SFMBT2: variants seen among roughly 807,000 people sequenced by gnomAD.
The protein encoded by SFMBT2 is Scm like with four mbt domains 2, also known as scm-like with four MBT domains protein 2.
In SFMBT2, 38 loss-of-function variants were observed where a neutral mutation model predicts 110.1. The observed-to-expected ratio is 0.35, with a 90% CI of 0.27 to 0.45. The LOEUF (loss-of-function observed/expected upper bound fraction) is 0.45, where lower values mean the gene tolerates loss of function less well. Ranked by LOEUF, SFMBT2 falls within the 20% of genes least tolerant of loss-of-function variation. The pLI is 1.00. For missense variants in SFMBT2, 1,011 were observed against 1,094.9 expected, an observed-to-expected ratio of 0.92 and a Z score of 1.08; for synonymous variants, 425 against 425.4, an observed-to-expected ratio of 1.00 and a Z score of 0.01.
chr10:7,364,126 C>G (rs1382460975), intron 4 of SFMBT2, among the ~76,000 whole-genome samples: 1 of 152,194 alleles, frequency 6.6e-6, no homozygotes, highest in African/African-American at 2.4e-5. Context: ...TTATTCTGTC[C>G]TACAGCGATC....
chr10:7,396,907 G>A (rs1212445921), intron 1 of SFMBT2, among the ~76,000 whole-genome samples: 4 of 124,318 alleles, frequency 3.2e-5, no homozygotes, highest in Admixed American at 2.5e-4. Flanking sequence ...TGGGGTGGGG[G>A]GATGGGGGGA....
Position 7,229,448 on chromosome 10 carries a change from G to A in SFMBT2, c.1121-1511C>T, listed in dbSNP as rs200237949. Among the ~76,000 whole-genome samples the A allele has an allele frequency of 7.9e-5, 12 of 151,826 alleles. No homozygotes were observed. The East Asian group carries it at 2.4e-3, about 30-fold the overall frequency. Reference sequence around the variant, plus strand: ...ACAAAAATTAGCCAGGTGTGGTGGTGGGTGCTTGTAATCCCAGCTACTCGG... The same window carrying A: ...ACAAAAATTAGCCAGGTGTGGTGGTAGGTGCTTGTAATCCCAGCTACTCGG... On this transcript the variant is annotated intron_variant, in intron 9 of 20. Coordinates refer to ENST00000397167, the MANE Select transcript of SFMBT2 (RefSeq NM_001387889.1).
intron 16 of SFMBT2, among the ~76,000 whole-genome samples, chr10:7,185,591 G>A (rs1838376778): frequency 1.3e-5 from 2 of 152,194 alleles, no homozygotes; most frequent in African/African-American, 4.8e-5. Flanking sequence ...CCTCTGATAA[G>A]TGACAGTGAG....
intron 1 of SFMBT2, among the ~76,000 whole-genome samples, chr10:7,410,525 C>A (rs192187539): frequency 8.5e-4 from 130 of 152,288 alleles, no homozygotes; most frequent in African/African-American, 2.9e-3. Flanking sequence ...CGGACGGACT[C>A]CCGCACGGCT....
At chr10:7,288,266 C>T (rs75036305) in intron 4 of SFMBT2, among the ~76,000 whole-genome samples, 13 of 152,262 alleles carry the variant, frequency 8.5e-5, no homozygotes, top group Non-Finnish European at 1.3e-4. Context: ...CCAACATGCA[C>T]GGAACTCAGG....
At chr10:7,299,187 A>G (rs1478574740) in intron 4 of SFMBT2, among the ~76,000 whole-genome samples, 1 of 152,234 alleles carries the variant, frequency 6.6e-6, no homozygotes, top group Non-Finnish European at 1.5e-5. Flanking sequence ...CAAGGACTTC[A>G]TGACAAAAAA....
At chr10:7,204,949 T>C in intron 12 of SFMBT2, 1 of 985,048 alleles carries the variant, frequency 1.0e-6, no homozygotes, top group African/African-American at 1.7e-5. Flanking sequence ...TGAATGGGCG[T>C]TTACTGCTGG....
At chr10:7,186,423 TATACACACACACACACACAC>T (rs1039749463) in intron 16 of SFMBT2, among the ~76,000 whole-genome samples, 1 of 108,134 alleles carries the variant, frequency 9.2e-6, no homozygotes, top group Non-Finnish European at 1.9e-5. Context: ...ACATACTATA[TATACACACACACACACACAC>T]ACACACACAC....
At chr10:7,274,766 G>A (rs7091327) in intron 7 of SFMBT2, among the ~76,000 whole-genome samples, 4,882 of 152,062 alleles carry the variant, frequency 0.032, 107 homozygotes, top group Non-Finnish European at 0.052. Flanking sequence ...GAGACAGGAG[G>A]ATGGCTTGAG....
chr10:7,206,667 A>G, intron 11 of SFMBT2: 1 of 852,800 alleles, frequency 1.2e-6, no homozygotes, highest in Non-Finnish European at 1.4e-6. Context: ...ATGCCTTATG[A>G]GGACCTGGCT....
At chr10:7,398,942 C>T (rs978254823) in intron 1 of SFMBT2, among the ~76,000 whole-genome samples, 5 of 152,110 alleles carry the variant, frequency 3.3e-5, no homozygotes, top group Admixed American at 3.3e-4. Flanking sequence ...TGGATAATGC[C>T]TAATTAGGGC....
In SFMBT2 at chr10:7,249,720, C is replaced by G. The variant is rs1315698625; in HGVS notation, c.871-1071G>C. The stretch of plus-strand genomic sequence containing the variant: ...CAAAGCCCCCAAAAGCTGGTCAGTA[C>G]CGTCAGCGTCCAAGAGGAGATCAGA... On this transcript the variant is annotated intron_variant, in intron 7 of 20. Coordinates refer to ENST00000397167, the MANE Select transcript of SFMBT2 (RefSeq NM_001387889.1). The G allele has an allele frequency of 4.7e-5, 8 of 168,792 alleles. No homozygotes were observed. In the Admixed American group the frequency reaches 5.2e-4, roughly 11 times the overall value. The allele number at this position is 168,792 out of a possible 1,614,324, so 10.5% of individuals were successfully genotyped here. A position where few individuals can be genotyped will look rare whatever the true frequency, so the allele number is the denominator to read the frequency against.
intron 9 of SFMBT2, among the ~76,000 whole-genome samples, chr10:7,231,158 T>G (rs1478398189): frequency 1.3e-5 from 2 of 152,156 alleles, no homozygotes; most frequent in Non-Finnish European, 2.9e-5. Context: ...GGCATTCCTC[T>G]AAGAAGACTC....
chr10:7,252,821 A>C (rs935172480), intron 7 of SFMBT2, among the ~76,000 whole-genome samples: 1 of 152,072 alleles, frequency 6.6e-6, no homozygotes. Context: ...TTCCCAGGTG[A>C]TAGGAGCTCT....
chr10:7,189,973 T>C (rs1434357157), intron 15 of SFMBT2, among the ~76,000 whole-genome samples: 3 of 152,242 alleles, frequency 2.0e-5, no homozygotes, highest in South Asian at 4.1e-4. Context: ...GTAACCAGCT[T>C]GGTTTGCACC....
chr10:7,237,713 A>G (rs146855737), intron 9 of SFMBT2, among the ~76,000 whole-genome samples: 27 of 152,320 alleles, frequency 1.8e-4, no homozygotes, highest in Admixed American at 3.3e-4. Context: ...GCTGCTGTGG[A>G]TCTTTCATTT....
At chr10:7,276,380 C>T (rs1030957174) in intron 7 of SFMBT2, among the ~76,000 whole-genome samples, 2 of 152,040 alleles carry the variant, frequency 1.3e-5, no homozygotes, top group African/African-American at 4.8e-5. Context: ...AGTCAGTAAA[C>T]CTAAACAATT....
rs766350931 is a variant in SFMBT2, at chr10:7,188,659, G to C, written c.1773C>G (p.Pro591=). Reference sequence around the variant, plus strand: ...GCGTCTCTTCCTGGAAATTCCAGTGGGGATCTTCTACCAGCTGTAATTCTC... The same window carrying C: ...GCGTCTCTTCCTGGAAATTCCAGTGCGGATCTTCTACCAGCTGTAATTCTC... ...VLRELQLVED[P]HWNFQEETLK... The change falls in exon 16 of 21, where the codon CCC becomes CCG. Residue 591 remains proline (P), a synonymous_variant. Coordinates refer to ENST00000397167, the MANE Select transcript of SFMBT2 (RefSeq NM_001387889.1). 7.4e-6 allele frequency: 12 copies of C among 1,613,656 alleles called. No homozygotes were observed. The South Asian group carries it at 1.1e-4, about 15-fold the overall frequency.
intron 4 of SFMBT2, among the ~76,000 whole-genome samples, chr10:7,363,477 T>C (rs1036147930): frequency 6.6e-6 from 1 of 151,942 alleles, no homozygotes; most frequent in African/African-American, 2.4e-5. Context: ...GCCTGCCGAG[T>C]AGCTGGGATT....
Sources: allele counts gnomAD v4.1 joint callset (sites outside exome capture counted in the v4.1 genomes callset), GRCh38; gene constraint gnomAD v4.1.1; transcripts MANE v1.5; gene names NCBI Gene and HGNC (gene_info 2026-07-23, HGNC 2026-07-21).